Variants in KLHL2 observed in about 807,000 individuals in gnomAD.
KLHL2 encodes the protein kelch like family member 2, also known as kelch-like protein 2.
Under a neutral mutation model 75.8 loss-of-function variants are expected in KLHL2, and 15 were observed. The observed-to-expected ratio is 0.20, with a 90% CI of 0.13 to 0.30. The LOEUF (loss-of-function observed/expected upper bound fraction) is 0.30. Among genes scored for constraint, KLHL2 ranks in the 10% least tolerant of loss-of-function variants. The pLI, the probability that KLHL2 is intolerant of heterozygous loss-of-function variation, is 1.00. For synonymous variants in KLHL2, 214 were observed against 251.9 expected (o/e 0.85, Z 1.42); for missense variants, 381 against 741.0 (o/e 0.51, Z 5.64).
intron 4 of KLHL2, among the ~76,000 whole-genome samples, chr4:165,253,750 C>G (rs1248272074): frequency 6.6e-6 from 1 of 152,198 alleles, no homozygotes; most frequent in African/African-American, 2.4e-5. Flanking sequence ...TTTCCCTGTT[C>G]TTGAACTTCA....
Position 165,255,210 on chromosome 4 carries a change from A to G in KLHL2, c.382-7987A>G, listed in dbSNP as rs374183414. ...CTTTGCCCCCAAATTTCTCCTCTCCATACTACCTTTGCTTTTCTACTTCAT... is the reference window on the plus strand; with the variant it reads ...CTTTGCCCCCAAATTTCTCCTCTCCGTACTACCTTTGCTTTTCTACTTCAT... On this transcript the variant is annotated intron_variant, in intron 4 of 14. Transcript: ENST00000226725. Among the ~76,000 whole-genome samples the G allele has an allele frequency of 2.6e-5, 4 of 152,322 alleles. No homozygotes were observed. The East Asian group carries it at 5.8e-4, about 22-fold the overall frequency.
intron 1 of KLHL2, among the ~76,000 whole-genome samples, chr4:165,219,073 C>T (rs1737777761): frequency 6.6e-6 from 1 of 152,220 alleles, no homozygotes. Flanking sequence ...CCCCCCTCCT[C>T]ATGGGACCCT....
In KLHL2 at chr4:165,314,078, T is replaced by C; in HGVS notation, c.1521T>C (p.Pro507=). ...LLYAVGGHDG[P]LVRKSVEVYD... ...ATGCTGTAGGAGGTCATGATGGCCC[T>C]TTAGTACGAAAAAGTGTTGAAGTAT... The change falls in exon 13 of 15, where the codon CCT becomes CCC. Residue 507 remains proline (P), a synonymous_variant. Transcript: ENST00000226725. 6.2e-7 allele frequency: 1 copy of C among 1,613,758 alleles called. No individual in the cohort carries two copies. The highest frequency in any genetic ancestry group is 8.5e-7 in the Non-Finnish European group (1 of 1,179,732).
At position 165,294,312 on chromosome 4, in the gene KLHL2, TAATGG is replaced by T; in HGVS notation, c.545-42_545-38del. ...TTTTTTAAGCAGTTTGAAACTATGA[TAATGG>T]AATGTTGATGTTAGTGGATTTTCTT... On this transcript the variant is annotated intron_variant, in intron 5 of 14. Transcript: ENST00000226725. The T allele has an allele frequency of 2.8e-6, 3 of 1,075,176 alleles. No individual in the cohort carries two copies. The South Asian group carries it at 4.0e-5, about 14-fold the overall frequency. 66.6% of individuals were successfully genotyped at this position (1,075,176 alleles called of 1,614,324 possible). A position where few individuals can be genotyped will look rare whatever the true frequency, so the allele number is the denominator to read the frequency against.
intron 2 of KLHL2, among the ~76,000 whole-genome samples, chr4:165,221,848 A>C (rs1738022713): frequency 6.6e-6 from 1 of 152,142 alleles, no homozygotes; most frequent in Non-Finnish European, 1.5e-5. Flanking sequence ...CTGTTTCAGG[A>C]TTTTAATCCT....
At chr4:165,309,930 A>G (rs1579178000) in intron 9 of KLHL2, among the ~76,000 whole-genome samples, 1 of 152,200 alleles carries the variant, frequency 6.6e-6, no homozygotes, top group Non-Finnish European at 1.5e-5. Flanking sequence ...GGAGGTGAGT[A>G]CAGGTTCAAG....
In KLHL2 at chr4:165,310,701, T is replaced by C; in HGVS notation, c.1188T>C (p.Ala396=). The C allele has an allele frequency of 6.2e-7, 1 of 1,614,122 alleles. No individual in the cohort carries two copies. Among genetic ancestry groups the C allele is most frequent in the Non-Finnish European group, 8.5e-7 (1 of 1,180,008 alleles). The part of the protein sequence containing the change: ...MRDRRSTLGA[A]VLNGLLYAVG... ...ACCGGAGAAGCACTTTGGGAGCTGC[T>C]GTGTTAAATGGATTATTATACGCTG... Residue 396 remains alanine (A), a synonymous_variant, in exon 10 of 15, where the codon GCT becomes GCC. Transcript: ENST00000226725.
intron 3 of KLHL2, among the ~76,000 whole-genome samples, chr4:165,234,125 C>G (rs1739134973): frequency 6.6e-6 from 1 of 152,186 alleles, no homozygotes; most frequent in Non-Finnish European, 1.5e-5. Flanking sequence ...CAGGGCAATG[C>G]AGTTACCATG....
intron 1 of KLHL2, chr4:165,209,403 G>A (rs1168249082): frequency 6.6e-6 from 1 of 152,128 alleles, no homozygotes; most frequent in Non-Finnish European, 1.5e-5. Flanking sequence ...CCTGCAGTTC[G>A]TTTTTACTTT....
At chr4:165,296,072 A>G (rs2126500505) in intron 6 of KLHL2, among the ~76,000 whole-genome samples, 1 of 152,326 alleles carries the variant, frequency 6.6e-6, no homozygotes, top group Non-Finnish European at 1.5e-5. Context: ...ATTCATGCAG[A>G]ACAATAGGGA....
rs79749535 is a variant in KLHL2 at position 165,256,041 on chromosome 4, C to G, written c.382-7156C>G. Among the ~76,000 whole-genome samples, 22 of 152,070 alleles carry G rather than the reference C, an allele frequency of 1.4e-4. No individual in the cohort carries two copies. In the East Asian group the frequency reaches 2.3e-3, roughly 16 times the overall value. On this transcript the variant is annotated intron_variant, in intron 4 of 14. Coordinates refer to ENST00000226725, the MANE Select transcript of KLHL2 (RefSeq NM_007246.4). ...AGCCAAGCAGAAGGAGTATACTTGTCTAAGCGAAACATCTTCTATGTAATT... is the reference window on the plus strand; with the variant it reads ...AGCCAAGCAGAAGGAGTATACTTGTGTAAGCGAAACATCTTCTATGTAATT...
chr4:165,280,087 G>A (rs181903770), intron 5 of KLHL2, among the ~76,000 whole-genome samples: 87 of 152,242 alleles, frequency 5.7e-4, no homozygotes, highest in African/African-American at 1.8e-3. Context: ...TCATTCTCTT[G>A]TATTTCTTCA....
At chr4:165,228,719 T>C in intron 2 of KLHL2, 88 bp from the exon 3 acceptor site, 2 of 724,314 alleles carry the variant, frequency 2.8e-6, no homozygotes, top group Non-Finnish European at 4.8e-6. Context: ...TTGATGAAAG[T>C]GGGCTTTACT....
At chr4:165,292,017 C>T (rs1434417796) in intron 5 of KLHL2, among the ~76,000 whole-genome samples, 1 of 151,906 alleles carries the variant, frequency 6.6e-6, no homozygotes, top group African/African-American at 2.4e-5. Context: ...TAAATAATCT[C>T]TAGATTATTT....
intron 7 of KLHL2, 88 bp downstream of exon 7, chr4:165,297,813 G>T (rs1745029497): frequency 1.2e-6 from 1 of 839,376 alleles, no homozygotes; most frequent in Non-Finnish European, 2.1e-6. Context: ...AGTGATAAGA[G>T]CTGTAGAATG....
At chr4:165,247,259 G>C (rs1740333616) in intron 4 of KLHL2, among the ~76,000 whole-genome samples, 1 of 152,148 alleles carries the variant, frequency 6.6e-6, no homozygotes, top group African/African-American at 2.4e-5. Context: ...GTGACCTTGG[G>C]AAAAGCTATG....
chr4:165,277,208 C>A (rs1743192530), intron 5 of KLHL2, among the ~76,000 whole-genome samples: 1 of 151,818 alleles, frequency 6.6e-6, no homozygotes. Flanking sequence ...ATGGGCTACC[C>A]TCAGTGTATA....
chr4:165,236,993 C>T (rs1474870269), intron 3 of KLHL2, among the ~76,000 whole-genome samples: 1 of 149,628 alleles, frequency 6.7e-6, no homozygotes, highest in African/African-American at 2.5e-5. Context: ...AGGTAAGTCA[C>T]GCTTAACTGA....
chr4:165,274,828 A>G (rs1357791627), intron 5 of KLHL2, among the ~76,000 whole-genome samples: 1 of 152,246 alleles, frequency 6.6e-6, no homozygotes, highest in African/African-American at 2.4e-5. Flanking sequence ...TAACATCAGT[A>G]TCTTTAGGGA....
Sources: gnomAD v4.1 joint callset for allele counts (sites outside exome capture counted in the v4.1 genomes callset) on GRCh38, gnomAD v4.1.1 for gene constraint, MANE v1.5 for transcripts, NCBI Gene and HGNC (gene_info 2026-07-23, HGNC 2026-07-21) for gene names.